CA10: variants seen among roughly 807,000 people sequenced by gnomAD.
CA10 encodes the protein carbonic anhydrase-related protein 10.
A neutral mutation model predicts 44.2 loss-of-function variants in CA10; 14 were observed. That is an observed-to-expected ratio of 0.32 (90% CI 0.21 to 0.50). CA10 has a LOEUF of 0.50. Ranked by LOEUF, CA10 falls within the 20% of genes least tolerant of loss-of-function variation. The probability of loss-of-function intolerance (pLI) is 0.99; values close to 1 mark genes in which losing one functional copy is unlikely to be tolerated. For missense variants in CA10, 350 were observed against 409.7 expected, an observed-to-expected ratio of 0.85 and a Z score of 1.26; for synonymous variants, 159 against 141.6, an observed-to-expected ratio of 1.12 and a Z score of -0.87.
chr17:51,768,267 G>A (rs965570696), intron 3 of CA10, among the ~76,000 whole-genome samples: 2 of 151,568 alleles, frequency 1.3e-5, no homozygotes, highest in Non-Finnish European at 2.9e-5. Flanking sequence ...TGGGATCTTG[G>A]CCTGCTTGTA....
At chr17:51,834,590 G>A (rs1908406072) in intron 3 of CA10, among the ~76,000 whole-genome samples, 2 of 152,196 alleles carry the variant, frequency 1.3e-5, no homozygotes, top group Admixed American at 1.3e-4. Flanking sequence ...GGAGCTGTGA[G>A]GATCATGTAG....
At chr17:51,998,450 C>CT (rs1476093052) in intron 2 of CA10, among the ~76,000 whole-genome samples, 1 of 151,986 alleles carries the variant, frequency 6.6e-6, no homozygotes, top group Non-Finnish European at 1.5e-5. Context: ...ATGCCTGTCC[C>CT]TGGGAATTTC....
intron 3 of CA10, among the ~76,000 whole-genome samples, chr17:51,835,422 G>C (rs529180324): frequency 1.3e-5 from 2 of 152,328 alleles, no homozygotes; most frequent in East Asian, 3.9e-4. Flanking sequence ...GTGGCCTGCT[G>C]ACAACACAGC....
At chr17:51,965,809 A>G (rs1468771395) in intron 2 of CA10, among the ~76,000 whole-genome samples, 3 of 151,962 alleles carry the variant, frequency 2.0e-5, no homozygotes, top group South Asian at 2.1e-4. Flanking sequence ...CTGGGATAAA[A>G]CAAGGATGCC....
At chr17:51,892,681 A>T (rs1980909035) in intron 3 of CA10, among the ~76,000 whole-genome samples, 1 of 152,128 alleles carries the variant, frequency 6.6e-6, no homozygotes, top group South Asian at 2.1e-4. Context: ...TTGGTGTGTT[A>T]CTATTCTGGC....
intron 3 of CA10, among the ~76,000 whole-genome samples, chr17:51,840,611 TG>T (rs1978312049): frequency 6.6e-6 from 1 of 152,134 alleles, no homozygotes; most frequent in Non-Finnish European, 1.5e-5. Context: ...TTTTTGACTC[TG>T]GAGAGTAGGT....
intron 3 of CA10, among the ~76,000 whole-genome samples, chr17:51,834,003 G>A (rs568963294): frequency 3.3e-5 from 5 of 152,336 alleles, no homozygotes; most frequent in Middle Eastern, 3.4e-3. Flanking sequence ...AGGATGCGAA[G>A]ATGATTTATG....
chr17:51,665,796 T>G (rs915331729), intron 4 of CA10, among the ~76,000 whole-genome samples: 1 of 152,240 alleles, frequency 6.6e-6, no homozygotes, highest in East Asian at 1.9e-4. Flanking sequence ...CACTGTCACA[T>G]AGGCAGCCTG....
chr17:51,842,712 T>G (rs993287109), intron 3 of CA10, among the ~76,000 whole-genome samples: 4 of 150,718 alleles, frequency 2.7e-5, no homozygotes, highest in South Asian at 4.2e-4. Context: ...TATTAAACCT[T>G]TTTTTTTTGC....
intron 1 of CA10, among the ~76,000 whole-genome samples, chr17:52,089,714 T>C (rs1037959767): frequency 6.6e-6 from 1 of 152,092 alleles, no homozygotes; most frequent in Non-Finnish European, 1.5e-5. Context: ...ATATGAAATG[T>C]ATATATATTT....
intron 3 of CA10, among the ~76,000 whole-genome samples, chr17:51,877,970 C>G (rs978805339): frequency 7.3e-5 from 11 of 151,234 alleles, no homozygotes; most frequent in African/African-American, 2.7e-4. Context: ...TGGTGAAACC[C>G]CAACTCTACT....
At chr17:51,728,421 C>T (rs1420098683) in intron 4 of CA10, among the ~76,000 whole-genome samples, 2 of 152,132 alleles carry the variant, frequency 1.3e-5, no homozygotes, top group African/African-American at 4.8e-5. Context: ...ATCTCACATA[C>T]AATTAGTTGT....
intron 3 of CA10, among the ~76,000 whole-genome samples, chr17:51,850,096 T>C (rs1233870986): frequency 3.3e-5 from 5 of 152,206 alleles, no homozygotes; most frequent in African/African-American, 9.6e-5. Flanking sequence ...AAAACAAAAG[T>C]TAAACCATAA....
chr17:52,028,585 G>T (rs1025990028), intron 2 of CA10, among the ~76,000 whole-genome samples: 1 of 152,168 alleles, frequency 6.6e-6, no homozygotes, highest in African/African-American at 2.4e-5. Flanking sequence ...CCCAAAAGAA[G>T]ATTCTACCAG....
intron 2 of CA10, among the ~76,000 whole-genome samples, chr17:51,971,894 T>C (rs1181086034): frequency 1.3e-5 from 2 of 152,006 alleles, no homozygotes; most frequent in Non-Finnish European, 2.9e-5. Context: ...ATTTAATTGA[T>C]TTCTTCCCAA....
chr17:51,707,984 A>G (rs1293252603), intron 4 of CA10, among the ~76,000 whole-genome samples: 1 of 152,198 alleles, frequency 6.6e-6, no homozygotes, highest in Non-Finnish European at 1.5e-5. Flanking sequence ...CACTTAAAGC[A>G]GGACACCAAC....
Position 52,072,791 on chromosome 17 carries a change from T to G in CA10, c.62-398A>C, listed in dbSNP as rs541446605. Among the ~76,000 whole-genome samples the G allele has an allele frequency of 9.2e-5, 14 of 151,906 alleles. No individual in the cohort carries two copies. In the South Asian group the frequency reaches 2.9e-3, roughly 32 times the overall value. Reference sequence around the variant, plus strand: ...CCATCCATGTATGTCCATGGAACCCTTGTTTTGGGAGAGATTGAAGTTTGC... The same window carrying G: ...CCATCCATGTATGTCCATGGAACCCGTGTTTTGGGAGAGATTGAAGTTTGC... On this transcript the variant is annotated intron_variant, in intron 1 of 8. Transcript: ENST00000451037.
At chr17:51,634,692 A>G (rs1221539683) in intron 7 of CA10, among the ~76,000 whole-genome samples, 1 of 152,226 alleles carries the variant, frequency 6.6e-6, no homozygotes, top group African/African-American at 2.4e-5. Context: ...TCCAAAAAAA[A>G]CACTGCACAT....
intron 3 of CA10, among the ~76,000 whole-genome samples, chr17:51,901,141 G>A (rs1051780471): frequency 6.6e-6 from 1 of 152,090 alleles, no homozygotes; most frequent in Non-Finnish European, 1.5e-5. Flanking sequence ...TGTATGGGCT[G>A]ATGTTCCTTT....
Sources: gnomAD v4.1 joint callset for allele counts (sites outside exome capture counted in the v4.1 genomes callset) on GRCh38, gnomAD v4.1.1 for gene constraint, MANE v1.5 for transcripts, NCBI Gene and HGNC (gene_info 2026-07-23, HGNC 2026-07-21) for gene names.